The following AXIN2 variants were observed in gnomAD, a reference collection of about 807,000 sequenced individuals.
AXIN2 encodes the protein axin 2, also known as axin-2.
A neutral mutation model predicts 74.7 loss-of-function variants in AXIN2; 21 were observed. The observed-to-expected ratio is 0.28, with a 90% CI of 0.20 to 0.40. AXIN2 has a LOEUF of 0.40. Ranked by LOEUF, AXIN2 falls within the 10% of genes least tolerant of loss-of-function variation. The pLI, the probability that AXIN2 is intolerant of heterozygous loss-of-function variation, is 1.00. For missense variants in AXIN2, 1,144 were observed against 1,111.1 expected, an observed-to-expected ratio of 1.03 and a Z score of -0.42; for synonymous variants, 532 against 454.9, an observed-to-expected ratio of 1.17 and a Z score of -2.16.
intron 1 of AXIN2, chr17:65,561,157 G>A (rs915741844): frequency 1.3e-5 from 2 of 149,928 alleles, no homozygotes; most frequent in East Asian, 1.9e-4. Flanking sequence ...ATGTCCTCCG[G>A]GCGCTTCCAA....
Position 65,546,702 on chromosome 17 carries a change from C to T in AXIN2, c.956+2818G>A, listed in dbSNP as rs148544852. Among the ~76,000 whole-genome samples, 49 of 152,314 alleles carry T rather than the reference C, an allele frequency of 3.2e-4. No homozygotes were observed. In the East Asian group the frequency reaches 8.9e-3, roughly 28 times the overall value. On this transcript the variant is annotated intron_variant, in intron 3 of 10. Transcript: ENST00000307078. Reference sequence around the variant, plus strand: ...CTGTGACAGTTAATCTGATAACCTGCGCACTTGATTGGGAGAGGGCACAGA... The same window carrying T: ...CTGTGACAGTTAATCTGATAACCTGTGCACTTGATTGGGAGAGGGCACAGA...
chr17:65,536,875 G>A lies in AXIN2; in HGVS notation c.1901C>T (p.Pro634Leu), dbSNP rs373042042. Reference protein sequence around the residue: ...LESERQSKPKPHSAQSTKKAY... With the variant: ...LESERQSKPKLHSAQSTKKAY... Reference sequence around the variant, plus strand: ...GGCGGCAAGCGGTGTTTACCTATGGGGCTTGGGCTTGCTCTGCCGCTCACT... The same window carrying A: ...GGCGGCAAGCGGTGTTTACCTATGGAGCTTGGGCTTGCTCTGCCGCTCACT... The change falls in exon 7 of 11, where the codon CCC becomes CTC. Residue 634 changes from proline (P) to leucine (L), a missense_variant. Around this residue, in one of 4 missense-constraint regions of AXIN2, gnomAD observed 1,053 missense variants for 973.5 expected, o/e 1.08. Transcript: ENST00000307078. 1 of 1,613,194 alleles carries A rather than the reference G, an allele frequency of 6.2e-7. No individual in the cohort carries two copies. Among genetic ancestry groups the A allele is most frequent in the African/African-American group, 1.3e-5 (1 of 75,024 alleles).
At chr17:65,554,611 G>A (rs945610615) in intron 2 of AXIN2, among the ~76,000 whole-genome samples, 8 of 152,234 alleles carry the variant, frequency 5.3e-5, no homozygotes, top group African/African-American at 1.9e-4. Flanking sequence ...AGCCAAGCTT[G>A]ATTCCAATGG....
Position 65,533,949 on chromosome 17 carries a change from G to A in AXIN2, c.2368C>T (p.His790Tyr), listed in dbSNP as rs1475599007. The A allele has an allele frequency of 6.2e-7, 1 of 1,613,978 alleles. No homozygotes were observed. The highest frequency in any genetic ancestry group is 1.3e-5 in the African/African-American group (1 of 74,896). ...MLKAQSLTLG[H>Y]FKEQLSKKGN... ...TTTTTGCTGAGCTGCTCTTTAAAGT[G>A]GCCCAGGGTCAAGCTCTGAGCCTTC... Residue 790 changes from histidine (H) to tyrosine (Y), a missense_variant, in exon 10 of 11, where the codon CAC becomes TAC. Physicochemically the swap from His to Tyr is moderately conservative, Grantham distance 83 (BLOSUM62 2). Coordinates refer to ENST00000307078, the MANE Select transcript of AXIN2 (RefSeq NM_004655.4).
At chr17:65,541,367 T>C (rs376687543) in intron 4 of AXIN2, 88 bp downstream of exon 4, 8 of 1,217,204 alleles carry the variant, frequency 6.6e-6, no homozygotes, top group Non-Finnish European at 7.3e-6. Context: ...ACCTTCCCTA[T>C]ACCTCTCCCC....
chr17:65,534,787 G>A (rs906427619), intron 9 of AXIN2, among the ~76,000 whole-genome samples: 2 of 152,176 alleles, frequency 1.3e-5, no homozygotes, highest in Non-Finnish European at 2.9e-5. Flanking sequence ...AAAAGGAGCT[G>A]GGTGTGGTGG....
chr17:65,545,231 C>A (rs558913590), intron 3 of AXIN2, among the ~76,000 whole-genome samples: 1 of 152,272 alleles, frequency 6.6e-6, no homozygotes, highest in African/African-American at 2.4e-5. Context: ...TGATTCCTGG[C>A]AACATCTAAC....
chr17:65,542,688 G>T (rs556871974), intron 3 of AXIN2, among the ~76,000 whole-genome samples: 4 of 152,292 alleles, frequency 2.6e-5, no homozygotes, highest in Admixed American at 1.3e-4. Flanking sequence ...TTTCCAGAAA[G>T]AATTTCCTTC....
chr17:65,536,445 G>A lies in AXIN2; in HGVS notation c.2016C>T (p.Thr672=), dbSNP rs1358201134. 1 of 1,601,484 alleles carries A rather than the reference G, an allele frequency of 6.2e-7. No homozygotes were observed. The highest frequency in any genetic ancestry group is 8.5e-7 in the Non-Finnish European group (1 of 1,179,624). The stretch of plus-strand genomic sequence containing the variant: ...GGGTGAACAGGTGGGCACGGGGGGT[G>A]GTGCGGGGGTGCCCGCTGTTGCCCC... ...LWGGNSGHPR[T]TPRAHLFTQD... is the part of the protein sequence containing the mutation. The change falls in exon 8 of 11, where the codon ACC becomes ACT. Residue 672 remains threonine (T), a synonymous_variant. Coordinates refer to ENST00000307078, the MANE Select transcript of AXIN2 (RefSeq NM_004655.4).
rs200460573 is a variant in AXIN2, at chr17:65,535,683, G to A, written c.2180C>T (p.Ser727Leu). ...TGTGGCTCCCGTCTGAACAGTGGCC[G>A]AATGATTCCTGTCCCTCTGCTGACT... The part of the protein sequence containing the change: ...VASQQRDRNH[S>L]ATVQTGATPF... Residue 727 changes from serine (S) to leucine (L), a missense_variant, in exon 9 of 11, where the codon TCG (serine) becomes TTG (leucine). Physicochemically the swap from Ser to Leu is moderately radical, Grantham distance 145 (BLOSUM62 -2). This residue lies in a region of AXIN2 where 1,053 missense variants were observed against 973.5 expected (regional missense o/e 1.08). Coordinates refer to ENST00000307078, the MANE Select transcript of AXIN2 (RefSeq NM_004655.4). 1.4e-5 allele frequency: 22 copies of A among 1,614,050 alleles called. No individual in the cohort carries two copies. Among genetic ancestry groups the A allele is most frequent in the East Asian group, 1.1e-4 (5 of 44,902 alleles).
At chr17:65,556,727 C>T (rs139715901) in intron 2 of AXIN2, among the ~76,000 whole-genome samples, 1 of 152,202 alleles carries the variant, frequency 6.6e-6, no homozygotes, top group Non-Finnish European at 1.5e-5. Context: ...TGCTGCTGGG[C>T]ACTAGAGACC....
intron 3 of AXIN2, among the ~76,000 whole-genome samples, chr17:65,546,306 T>C (rs1474861676): frequency 6.6e-6 from 1 of 152,156 alleles, no homozygotes; most frequent in African/African-American, 2.4e-5. Context: ...CCACACACTT[T>C]ATTTCTCGCC....
Position 65,536,452 on chromosome 17 carries a change from G to A in AXIN2, c.2009C>T (p.Pro670Leu), listed in dbSNP as rs748754551. The A allele has an allele frequency of 1.9e-6, 3 of 1,613,090 alleles. No individual in the cohort carries two copies. Among genetic ancestry groups the A allele is most frequent in the African/African-American group, 2.7e-5 (2 of 74,434 alleles). The change falls in exon 8 of 11, where the codon CCC becomes CTC. Residue 670 changes from proline (P) to leucine (L), a missense_variant. Physicochemically the swap from Pro to Leu is moderately conservative, Grantham distance 98. Coordinates refer to ENST00000307078, the MANE Select transcript of AXIN2 (RefSeq NM_004655.4). Reference protein sequence around the residue: ...HHLWGGNSGHPRTTPRAHLFT... With the variant: ...HHLWGGNSGHLRTTPRAHLFT... ...CAGGTGGGCACGGGGGGTGGTGCGGGGGTGCCCGCTGTTGCCCCCCCACAG... is the reference window on the plus strand; with the variant it reads ...CAGGTGGGCACGGGGGGTGGTGCGGAGGTGCCCGCTGTTGCCCCCCCACAG...
At position 65,540,833 on chromosome 17, in the gene AXIN2, G is replaced by A. The variant is rs914184043; in HGVS notation, c.1059+622C>T. ...ACCTTCACCAGAAGCAGATGTTGGC[G>A]CCATGGTTCTTGAATAGCCTGCAGA... On this transcript the variant is annotated intron_variant, in intron 4 of 10. Coordinates refer to ENST00000307078, the MANE Select transcript of AXIN2 (RefSeq NM_004655.4). 6.6e-5 allele frequency among the ~76,000 whole-genome samples: 10 copies of A among 152,212 alleles called. No homozygotes were observed. The East Asian group carries it at 9.7e-4, about 15-fold the overall frequency.
chr17:65,537,283 A>C (rs776926338), intron 6 of AXIN2, 41 bp downstream of exon 6: 2 of 1,612,360 alleles, frequency 1.2e-6, no homozygotes, highest in Non-Finnish European at 1.7e-6. Context: ...TGGCTGGGAG[A>C]CAAGCCCCAC....
At chr17:65,560,876 G>GGGGCCC (rs1021283196) in intron 1 of AXIN2, 7 of 149,502 alleles carry the variant, frequency 4.7e-5, no homozygotes, top group African/African-American at 1.2e-4. Context: ...GCCCCTGGCA[G>GGGGCCC]GGGCCCGGCC....
intron 2 of AXIN2, among the ~76,000 whole-genome samples, chr17:65,556,030 C>T (rs1323574840): frequency 6.6e-6 from 1 of 152,166 alleles, no homozygotes; most frequent in African/African-American, 2.4e-5. Context: ...CCCTGGAAAA[C>T]AGGAGCTTCT....
rs1385297656 is a variant in AXIN2, at chr17:65,536,880, G to C, written c.1896C>G (p.Pro632=). The C allele has an allele frequency of 3.1e-6, 5 of 1,613,306 alleles. No individual in the cohort carries two copies. The highest frequency in any genetic ancestry group is 4.2e-6 in the Non-Finnish European group (5 of 1,179,930). Residue 632 remains proline, a synonymous_variant, in exon 7 of 11, where the codon CCC becomes CCG. Transcript: ENST00000307078. The stretch of plus-strand genomic sequence containing the variant: ...CAAGCGGTGTTTACCTATGGGGCTT[G>C]GGCTTGCTCTGCCGCTCACTCTCCA... The part of the protein sequence containing the change: ...WMLESERQSK[P]KPHSAQSTKK...
chr17:65,537,564 G>A lies in AXIN2; in HGVS notation c.1472C>T (p.Ala491Val), dbSNP rs1064794048. 1.9e-6 allele frequency: 3 copies of A among 1,610,710 alleles called. No individual in the cohort carries two copies. The highest frequency in any genetic ancestry group is 1.7e-6 in the Non-Finnish European group (2 of 1,179,118). Residue 491 changes from alanine to valine, a missense_variant, in exon 6 of 11, where the codon GCC becomes GTC. Ala to Val is a moderately conservative substitution (Grantham distance 64). Coordinates refer to ENST00000307078, the MANE Select transcript of AXIN2 (RefSeq NM_004655.4). ...GAGGGGGCAGGCGCCCGGCGAGGCG[G>A]CCGCGGGAGGCAGCTTGCCACCGGG... is the stretch of plus-strand genomic sequence containing the variant. ...LPPGGKLPPA[A>V]ASPGACPLLG...
Sources: allele counts gnomAD v4.1 joint callset (sites outside exome capture counted in the v4.1 genomes callset), GRCh38; gene constraint gnomAD v4.1.1; regional missense constraint gnomAD v4.1.1; transcripts MANE v1.5; gene names NCBI Gene and HGNC (gene_info 2026-07-23, HGNC 2026-07-21).